Variants in ANKS1A observed in about 807,000 individuals in gnomAD.
ANKS1A encodes the protein ankyrin repeat and SAM domain-containing protein 1A.
ANKS1A carries 55 observed loss-of-function variants against 120.3 expected under a neutral mutation model. The observed-to-expected ratio is 0.46, with a 90% CI of 0.37 to 0.57. The LOEUF is 0.57. Among genes scored for constraint, ANKS1A ranks in the 20% least tolerant of loss-of-function variants. The pLI is 0.00. For synonymous variants in ANKS1A, 590 were observed against 604.7 expected, an observed-to-expected ratio of 0.98 and a Z score of 0.36; for missense variants, 1,123 against 1,480.3, an observed-to-expected ratio of 0.76 and a Z score of 3.96.
chr6:35,086,285 G>A lies in ANKS1A; in HGVS notation c.3303+349G>A, dbSNP rs575661216. ...TGCACCCCAGGTGCCGCTGCCCCCC[G>A]ATAGTCGCTGTTGTTACTGTCACAC... is the stretch of plus-strand genomic sequence containing the variant. On this transcript the variant is annotated intron_variant, in intron 22 of 23. Coordinates refer to ENST00000360359, the MANE Select transcript of ANKS1A (RefSeq NM_015245.3). This position sits in a 1 kb window ranked among gnomAD's most constrained non-coding sequence, Gnocchi z 5.1. 3.9e-5 allele frequency: 51 copies of A among 1,322,886 alleles called. No homozygotes were observed. Among genetic ancestry groups the A allele is most frequent in the Middle Eastern group, 2.0e-4 (1 of 4,894 alleles). The allele number at this position is 1,322,886 out of a possible 1,614,324, so 81.9% of individuals were successfully genotyped here. A position where few individuals can be genotyped will look rare whatever the true frequency, so the allele number is the denominator to read the frequency against.
At chr6:35,083,792 G>C (rs1045382227) in intron 20 of ANKS1A, among the ~76,000 whole-genome samples, 1 of 152,236 alleles carries the variant, frequency 6.6e-6, no homozygotes, top group East Asian at 1.9e-4. Context: ...CGTGAGCAAA[G>C]GACTTTCTCT....
In ANKS1A at chr6:34,989,309, C is replaced by A; in HGVS notation, c.1295C>A (p.Ala432Asp). ...HIDKKYFPLT[A>D]SEVLSMRPRI... ...GATAAGAAGTATTTTCCCTTGACAG[C>A]TTCTGAGGTAGAGGGTTGTGGGTTT... Residue 432 changes from alanine to aspartate, a missense_variant, in exon 9 of 24, where the codon GCT becomes GAT. Physicochemically the swap from Ala to Asp is moderately radical, Grantham distance 126. Around this residue, in one of 3 missense-constraint regions of ANKS1A, gnomAD observed 904 missense variants for 1,130.4 expected, o/e 0.80. Coordinates refer to ENST00000360359, the MANE Select transcript of ANKS1A (RefSeq NM_015245.3). 6.2e-7 allele frequency: 1 copy of A among 1,613,728 alleles called. No homozygotes were observed. The highest frequency in any genetic ancestry group is 1.1e-5 in the South Asian group (1 of 91,006).
intron 10 of ANKS1A, among the ~76,000 whole-genome samples, chr6:35,004,132 G>C (rs903754615): frequency 7.8e-6 from 1 of 127,634 alleles, no homozygotes; most frequent in Non-Finnish European, 1.8e-5. Flanking sequence ...AGTCGATCAC[G>C]ACCCTCTCAC....
rs140565217 is a variant in ANKS1A at position 35,017,519 on chromosome 6, G to A, written c.1470G>A (p.Gly490=). 1 of 1,613,852 alleles carries A rather than the reference G, an allele frequency of 6.2e-7. No individual in the cohort carries two copies. Among genetic ancestry groups the A allele is most frequent in the Non-Finnish European group, 8.5e-7 (1 of 1,179,914 alleles). ...GCCGGAGCCAGGACTCTGCGGAGGG[G>A]CAGGACGGGCAGGTCCCAGAGCAGT... ...SSSRSQDSAE[G]QDGQVPEQFS... Residue 490 remains glycine, a synonymous_variant, in exon 11 of 24, where the codon GGG becomes GGA. Coordinates refer to ENST00000360359, the MANE Select transcript of ANKS1A (RefSeq NM_015245.3).
downstream of ANKS1A, among the ~76,000 whole-genome samples, chr6:35,095,583 CG>C (rs1778442051): frequency 9.5e-6 from 1 of 105,144 alleles, no homozygotes; most frequent in African/African-American, 3.7e-5. Flanking sequence ...AAAGGAAAGA[CG>C]AAAGAAAGAG....
intron 3 of ANKS1A, chr6:34,972,524 C>G (rs963704292): frequency 2.2e-6 from 2 of 906,406 alleles, no homozygotes; most frequent in Admixed American, 6.2e-5. Context: ...CTGTGTATTG[C>G]TTTGATATAT....
chr6:35,019,276 C>T (rs961381699), intron 11 of ANKS1A, among the ~76,000 whole-genome samples: 11 of 152,172 alleles, frequency 7.2e-5, no homozygotes, highest in African/African-American at 2.7e-4. Context: ...TTCAAGAACT[C>T]CATTTAGCTC....
At chr6:35,056,751 G>T (rs938189070) in intron 12 of ANKS1A, among the ~76,000 whole-genome samples, 4 of 152,132 alleles carry the variant, frequency 2.6e-5, no homozygotes, top group East Asian at 1.9e-4. Context: ...AGGCACATGT[G>T]GGGGACCACC....
chr6:35,097,637 G>GAAAAAAAAAAAA, the ANKS1A span, among the ~76,000 whole-genome samples: 5 of 89,740 alleles, frequency 5.6e-5, no homozygotes, highest in Non-Finnish European at 1.1e-4. Context: ...AAAGCCAAAA[G>GAAAAAAAAAAAA]AAAAAAAAAA....
At chr6:34,948,015 G>C (rs748728773) in intron 1 of ANKS1A, among the ~76,000 whole-genome samples, 63 of 152,042 alleles carry the variant, frequency 4.1e-4, no homozygotes, top group Non-Finnish European at 3.4e-4. Context: ...AGAAAAACCT[G>C]GACTTAGTTA....
chr6:35,004,068 G>A (rs573679411), intron 10 of ANKS1A, among the ~76,000 whole-genome samples: 1 of 152,232 alleles, frequency 6.6e-6, no homozygotes, highest in African/African-American at 2.4e-5. Context: ...GGTCTGTTCT[G>A]TTTCACTCTA....
At chr6:35,005,087 G>C (rs915616075) in intron 10 of ANKS1A, among the ~76,000 whole-genome samples, 1 of 152,082 alleles carries the variant, frequency 6.6e-6, no homozygotes, top group Non-Finnish European at 1.5e-5. Flanking sequence ...TGGACATTCT[G>C]TACATGTGTT....
chr6:34,919,253 G>T (rs1354765541), intron 1 of ANKS1A, among the ~76,000 whole-genome samples: 1 of 152,154 alleles, frequency 6.6e-6, no homozygotes, highest in Non-Finnish European at 1.5e-5. Flanking sequence ...CCTTGTGAAG[G>T]TTCCCCCAGG....
chr6:35,071,367 C>T (rs748543815), intron 13 of ANKS1A, among the ~76,000 whole-genome samples: 6 of 152,140 alleles, frequency 3.9e-5, no homozygotes, highest in South Asian at 2.1e-4. Flanking sequence ...TACTTTGTTT[C>T]GGGGCTGCTG....
At chr6:34,913,531 G>C (rs73421521) in intron 1 of ANKS1A, among the ~76,000 whole-genome samples, 1 of 152,156 alleles carries the variant, frequency 6.6e-6, no homozygotes, top group African/African-American at 2.4e-5. Flanking sequence ...GGTTTCAAAC[G>C]CATGAGCTCA....
At chr6:34,953,223 G>A (rs190762422) in intron 1 of ANKS1A, among the ~76,000 whole-genome samples, 6 of 152,276 alleles carry the variant, frequency 3.9e-5, no homozygotes, top group Middle Eastern at 6.8e-3. Flanking sequence ...AGTGAGAAAG[G>A]CAATCAAGTA....
chr6:34,981,827 G>A lies in ANKS1A; in HGVS notation c.573G>A (p.Leu191=). 1 of 1,614,150 alleles carries A rather than the reference G, an allele frequency of 6.2e-7. No individual in the cohort carries two copies. Among genetic ancestry groups the A allele is most frequent in the Non-Finnish European group, 8.5e-7 (1 of 1,180,018 alleles). Residue 191 remains leucine, a synonymous_variant, in exon 4 of 24, where the codon CTG becomes CTA. Transcript: ENST00000360359. ...AGACCCCTTTGGACCTGGCAGCACTGTACGGGCGACTGGAGGTGGTGAAAA... is the reference window on the plus strand; with the variant it reads ...AGACCCCTTTGGACCTGGCAGCACTATACGGGCGACTGGAGGTGGTGAAAA... ...KFETPLDLAA[L]YGRLEVVKML... is the part of the protein sequence containing the mutation.
chr6:35,051,346 G>C (rs1433344899), intron 11 of ANKS1A, among the ~76,000 whole-genome samples: 1 of 152,204 alleles, frequency 6.6e-6, no homozygotes, highest in Non-Finnish European at 1.5e-5. Context: ...AAGGCCCTTC[G>C]GCAAAATTTC....
At chr6:34,918,383 T>C (rs1367283306) in intron 1 of ANKS1A, among the ~76,000 whole-genome samples, 3 of 152,184 alleles carry the variant, frequency 2.0e-5, no homozygotes, top group Admixed American at 2.0e-4. Context: ...AGTATCTACA[T>C]ACACAGTCAC....
Sources: gnomAD v4.1 joint callset for allele counts (sites outside exome capture counted in the v4.1 genomes callset) on GRCh38, gnomAD v4.1.1 for gene constraint, gnomAD v4.1.1 regional missense constraint, Gnocchi (gnomAD v3.1) non-coding constraint, MANE v1.5 for transcripts, NCBI Gene and HGNC (gene_info 2026-07-23, HGNC 2026-07-21) for gene names.